PPM1F: variants seen among roughly 807,000 people sequenced by gnomAD.
PPM1F encodes the protein protein phosphatase, Mg2+/Mn2+ dependent 1F.
In PPM1F, 17 loss-of-function variants were observed where a neutral mutation model predicts 35.5. That is an observed-to-expected ratio of 0.48 (90% CI 0.33 to 0.72). PPM1F has a LOEUF of 0.72. PPM1F is among the 30% of genes least tolerant of loss of function. PPM1F has a pLI of 0.02. For missense variants in PPM1F, 521 were observed against 613.0 expected (o/e 0.85, Z 1.59); for synonymous variants, 241 against 255.5 (o/e 0.94, Z 0.54).
intron 3 of PPM1F, chr22:21,938,135 C>A: frequency 7.7e-7 from 1 of 1,302,016 alleles, no homozygotes; most frequent in South Asian, 1.2e-5. Context: ...GCCCTCCCTC[C>A]TTCCCAGGCC....
intron 2 of PPM1F, chr22:21,944,235 G>A (rs2075422568): frequency 6.6e-6 from 1 of 152,270 alleles, no homozygotes; most frequent in Non-Finnish European, 1.5e-5. Flanking sequence ...CATGGAGCGT[G>A]GTCACCGGAC....
intron 2 of PPM1F, chr22:21,942,501 C>T (rs1477321298): frequency 1.3e-5 from 2 of 152,252 alleles, no homozygotes; most frequent in Non-Finnish European, 2.9e-5. Flanking sequence ...CTTTGAAAAA[C>T]AACCAGCCAA....
At chr22:21,927,379 AGAGGCGTTCCCTGGG>A in intron 6 of PPM1F, among the ~76,000 whole-genome samples, 1 of 152,340 alleles carries the variant, frequency 6.6e-6, no homozygotes, top group African/African-American at 2.4e-5. Flanking sequence ...CCTGTGCCTC[AGAGGCGTTCCCTGGG>A]GAGGGGCTGT....
chr22:21,947,443 C>T (rs2145808947), intron 1 of PPM1F: 1 of 152,268 alleles, frequency 6.6e-6, no homozygotes, highest in East Asian at 1.9e-4. Flanking sequence ...GAGTCCTACG[C>T]AGTAGTGGAT....
rs2070422937 is a variant in PPM1F, at chr22:21,919,530, G to A, written c.*3562C>T. ...TAAGAATAGGGAAGACAGTCATCCT[G>A]TCCTGGAGCAAAGCTCCCCCTTGCA... On this transcript the variant is annotated 3_prime_UTR_variant, in exon 8 of 8. Coordinates refer to ENST00000263212, the MANE Select transcript of PPM1F (RefSeq NM_014634.4). 6.6e-6 allele frequency: 1 copy of A among 152,616 alleles called. No homozygotes were observed. Among genetic ancestry groups the A allele is most frequent in the Non-Finnish European group, 1.5e-5 (1 of 68,042 alleles). 9.5% of individuals were successfully genotyped at this position (152,616 alleles called of 1,614,324 possible).
Position 21,945,788 on chromosome 22 carries a change from C to T in PPM1F, c.206+55G>A, listed in dbSNP as rs113698886. On this transcript the variant is annotated intron_variant, in intron 2 of 7. Coordinates refer to ENST00000263212, the MANE Select transcript of PPM1F (RefSeq NM_014634.4). ...GGGGAGCAGCAGCCACATCCCTTGTCGGCCCTGGTGCCGTGCCCTTACTCC... is the reference window on the plus strand; with the variant it reads ...GGGGAGCAGCAGCCACATCCCTTGTTGGCCCTGGTGCCGTGCCCTTACTCC... 3,304 of 1,556,548 alleles carry T rather than the reference C, an allele frequency of 2.1e-3. 48 individuals carry two copies. In the African/African-American group the frequency reaches 0.038, roughly 18 times the overall value.
chr22:21,939,469 T>C lies in PPM1F; in HGVS notation c.355+63A>G. The C allele has an allele frequency of 6.3e-7, 1 of 1,592,450 alleles. No individual in the cohort carries two copies. Among genetic ancestry groups the C allele is most frequent in the South Asian group, 1.1e-5 (1 of 87,910 alleles). On this transcript the variant is annotated intron_variant, in intron 3 of 7. Coordinates refer to ENST00000263212, the MANE Select transcript of PPM1F (RefSeq NM_014634.4). This position sits in a 1 kb window ranked among gnomAD's most constrained non-coding sequence, Gnocchi z 5.1. ...ACCCCAATCAATGGGCTTCCCACAA[T>C]GTCGTCACCCTTTGTTGCCTGCTAA...
chr22:21,920,775 A>G lies in PPM1F; in HGVS notation c.*2317T>C, dbSNP rs2070438619. The G allele has an allele frequency of 6.6e-6, 1 of 152,250 alleles. No individual in the cohort carries two copies. Among genetic ancestry groups the G allele is most frequent in the African/African-American group, 2.4e-5 (1 of 41,470 alleles). 9.4% of individuals were successfully genotyped at this position (152,250 alleles called of 1,614,324 possible). On this transcript the variant is annotated 3_prime_UTR_variant, in exon 8 of 8. Transcript: ENST00000263212. ...ACCAGGTGATAGGAGCCAAACCTCC[A>G]CATGGTGAAACTTCACTCTCGGCAG...
chr22:21,919,875 T>G lies in PPM1F; in HGVS notation c.*3217A>C, dbSNP rs1269732837. The G allele has an allele frequency of 6.6e-6, 1 of 152,336 alleles. No homozygotes were observed. Among genetic ancestry groups the G allele is most frequent in the Non-Finnish European group, 1.5e-5 (1 of 68,158 alleles). 9.4% of individuals were successfully genotyped at this position (152,336 alleles called of 1,614,324 possible). ...CCCGGTGCCCACGCTGGGCTCACCA[T>G]AGGAGAGGAGAGGAGAGGGAGGGGG... On this transcript the variant is annotated 3_prime_UTR_variant, in exon 8 of 8. Transcript: ENST00000263212.
chr22:21,950,107 T>G (rs1305247609), intron 1 of PPM1F: 2 of 152,364 alleles, frequency 1.3e-5, no homozygotes, highest in Admixed American at 1.3e-4. Context: ...TTAACTGTGA[T>G]GACACCTGGG....
chr22:21,927,903 G>GTCTCC (rs2070535516), intron 6 of PPM1F, among the ~76,000 whole-genome samples: 1 of 146,340 alleles, frequency 6.8e-6, no homozygotes, highest in African/African-American at 2.5e-5. Context: ...TTCCCCCTGA[G>GTCTCC]TCTCCTAGTC....
intron 7 of PPM1F, among the ~76,000 whole-genome samples, chr22:21,923,734 G>A (rs1315463072): frequency 6.6e-6 from 1 of 152,084 alleles, no homozygotes; most frequent in East Asian, 1.9e-4. Flanking sequence ...CCAGGCTGCA[G>A]TGGCGCGATC....
At chr22:21,926,735 C>T (rs1601778295) in intron 6 of PPM1F, among the ~76,000 whole-genome samples, 1 of 152,204 alleles carries the variant, frequency 6.6e-6, no homozygotes, top group South Asian at 2.1e-4. Context: ...ATCAGGTAAA[C>T]CTCTTGACCC....
At chr22:21,937,776 C>T in intron 3 of PPM1F, 1 of 229,752 alleles carries the variant, frequency 4.4e-6, no homozygotes, top group South Asian at 4.0e-5. Context: ...CTAGACTCTG[C>T]TCAGGAAAGG....
Position 21,931,264 on chromosome 22 carries a change from A to G in PPM1F, c.775T>C (p.Cys259Arg). ...ERLQSGTTGV[C>R]ALIAGATLHV... is the part of the protein sequence containing the mutation. ...AGGGTCGCTCCTGCAATGAGCGCAC[A>G]CACACCTGTGGTGCCGCTCTGCAGC... Residue 259 changes from cysteine (C) to arginine (R), a missense_variant, in exon 6 of 8, where the codon TGT becomes CGT. This residue lies in a region of PPM1F where 311 missense variants were observed against 351.5 expected (regional missense o/e 0.88). Transcript: ENST00000263212. 1.2e-6 allele frequency: 2 copies of G among 1,613,388 alleles called. No individual in the cohort carries two copies. The highest frequency in any genetic ancestry group is 1.7e-6 in the Non-Finnish European group (2 of 1,180,030).
rs1452486809 is a variant in PPM1F, at chr22:21,922,538, AG to A, written c.*553del. 1 of 152,724 alleles carries A rather than the reference AG, an allele frequency of 6.5e-6. No individual in the cohort carries two copies. Among genetic ancestry groups the A allele is most frequent in the African/African-American group, 2.4e-5 (1 of 41,474 alleles). The allele number at this position is 152,724 out of a possible 1,614,324, so 9.5% of individuals were successfully genotyped here. Reference sequence around the variant, plus strand: ...GGCAGGGGGGTGGCTGCTACAGAACAGACCCCTGGCTCTGCTGCGCTCTCCT... The same window carrying A: ...GGCAGGGGGGTGGCTGCTACAGAACAACCCCTGGCTCTGCTGCGCTCTCCT... On this transcript the variant is annotated 3_prime_UTR_variant, in exon 8 of 8. Coordinates refer to ENST00000263212, the MANE Select transcript of PPM1F (RefSeq NM_014634.4).
At chr22:21,952,533 T>C (rs1845482379) in intron 1 of PPM1F, 1 of 88,078 alleles carries the variant, frequency 1.1e-5, no homozygotes, top group South Asian at 4.4e-4. Context: ...CCCCCTTGGC[T>C]CCCCAGCCCC....
At chr22:21,929,783 G>A (rs533774246) in intron 6 of PPM1F, among the ~76,000 whole-genome samples, 19 of 152,274 alleles carry the variant, frequency 1.2e-4, no homozygotes, top group African/African-American at 4.1e-4. Context: ...GGGAGAGGAC[G>A]TACAGGGGGC....
Position 21,923,287 on chromosome 22 carries a change from G to A in PPM1F, c.1170C>T (p.Ala390=), listed in dbSNP as rs141445899. The change falls in exon 8 of 8, where the codon GCC becomes GCT. Residue 390 remains alanine, a synonymous_variant. Coordinates refer to ENST00000263212, the MANE Select transcript of PPM1F (RefSeq NM_014634.4). ...CCCGGGCCGCAGCCACCAGCTCCTC[G>A]GCGACACGGAGCCCGCTGCCCTGCT... ...TRQQGSGLRV[A]EELVAAARER... is the part of the protein sequence containing the mutation. 3.0e-5 allele frequency: 49 copies of A among 1,613,310 alleles called. No individual in the cohort carries two copies. In the African/African-American group the frequency reaches 3.5e-4, roughly 11 times the overall value.
Sources: allele counts gnomAD v4.1 joint callset (sites outside exome capture counted in the v4.1 genomes callset), GRCh38; gene constraint gnomAD v4.1.1; regional missense constraint gnomAD v4.1.1; non-coding constraint Gnocchi (gnomAD v3.1); transcripts MANE v1.5; gene names NCBI Gene and HGNC (gene_info 2026-07-23, HGNC 2026-07-21).